PYCR3: variants seen among roughly 807,000 people sequenced by gnomAD.
PYCR3 encodes P5C reductase 3.
PYCR3 carries 26 observed loss-of-function variants against 23.4 expected under a neutral mutation model. That is an observed-to-expected ratio of 1.11 (90% CI 0.81 to 1.54). PYCR3 has a LOEUF of 1.54. Among genes scored for constraint, PYCR3 ranks in the 40% most tolerant of loss-of-function variants. PYCR3 has a pLI of 0.00. For synonymous variants in PYCR3, 194 were observed against 162.6 expected (o/e 1.19, Z -1.47); for missense variants, 360 against 376.3 (o/e 0.96, Z 0.36).
At chr8:143,608,551 T>C in intron 1 of PYCR3, 14 of 330,844 alleles carry the variant, frequency 4.2e-5, no homozygotes, top group South Asian at 3.4e-4. Flanking sequence ...GGAGAGTCTA[T>C]GCTGGAATGT....
intron 1 of PYCR3, 114 bp downstream of exon 1, chr8:143,609,344 G>A: frequency 2.5e-6 from 3 of 1,214,910 alleles, no homozygotes; most frequent in South Asian, 1.7e-5. Flanking sequence ...TGCGCCCAGC[G>A]GAGCGGAGAC....
rs1462469685 is a variant in PYCR3 at position 143,608,413 on chromosome 8, A to C, written c.92-287T>G. On this transcript the variant is annotated intron_variant, in intron 1 of 5. Transcript: ENST00000495276. ...TCCCTGGGGCCTCTGCCTCCAGGGA[A>C]GGGAAGGCTGCCTGGAGCAGAAGAG... 3 of 472,874 alleles carry C rather than the reference A, an allele frequency of 6.3e-6. No individual in the cohort carries two copies. In the East Asian group the frequency reaches 1.2e-4, roughly 18 times the overall value. The allele number at this position is 472,874 out of a possible 1,614,324, so 29.3% of individuals were successfully genotyped here.
chr8:143,606,660 C>CT lies in PYCR3; in HGVS notation c.355_356insA (p.Arg119GlnfsTer45), dbSNP rs1232489218. On this transcript the variant is annotated frameshift_variant, in exon 4 of 6. Transcript: ENST00000495276. LOFTEE classifies it high-confidence loss of function. Reference sequence around the variant, plus strand: ...CAGGTTGGGCAAGACCCGCAGCACCCGTGTGTTTGGGGGCAGCAGCTGGCC... The same window carrying CT: ...CAGGTTGGGCAAGACCCGCAGCACCCTGTGTGTTTGGGGGCAGCAGCTGGCC... 1 of 1,598,862 alleles carries CT rather than the reference C, an allele frequency of 6.3e-7. No homozygotes were observed. The highest frequency in any genetic ancestry group is 8.5e-7 in the Non-Finnish European group (1 of 1,173,972).
At chr8:143,607,825 A>C in intron 2 of PYCR3, among the ~76,000 whole-genome samples, 1 of 152,042 alleles carries the variant, frequency 6.6e-6, no homozygotes, top group Non-Finnish European at 1.5e-5. Context: ...ACACACACTC[A>C]CGGACATGCA....
chr8:143,606,188 G>A (rs1829394380), intron 4 of PYCR3, 34 bp from the exon 5 acceptor site: 1 of 1,569,582 alleles, frequency 6.4e-7, no homozygotes, highest in Non-Finnish European at 8.7e-7. Flanking sequence ...GGGGGGATAG[G>A]TGTCAAAGCC....
rs978454152 is a variant in PYCR3, at chr8:143,603,521, G to A, written c.*2179C>T. Among the ~76,000 whole-genome samples the A allele has an allele frequency of 6.6e-6, 1 of 152,206 alleles. No homozygotes were observed. Among genetic ancestry groups the A allele is most frequent in the Non-Finnish European group, 1.5e-5 (1 of 68,040 alleles). The stretch of plus-strand genomic sequence containing the variant: ...GCTTGGGATCTCCACCTCCCGAGCT[G>A]AGCTCACCTAGTGCCCAGGGCTTGT... On this transcript the variant is annotated 3_prime_UTR_variant, in exon 6 of 6. Coordinates refer to ENST00000495276, the MANE Select transcript of PYCR3 (RefSeq NM_023078.6).
In PYCR3 at chr8:143,607,058, C is replaced by T. The variant is rs1208799855; in HGVS notation, c.231G>A (p.Lys77=). 1.2e-5 allele frequency: 20 copies of T among 1,613,032 alleles called. No homozygotes were observed. Among genetic ancestry groups the T allele is most frequent in the Non-Finnish European group, 1.7e-5 (20 of 1,179,862 alleles). The part of the protein sequence containing the change: ...QSCLLVIFAT[K]PHVLPAVLAE... ...CCAGGACAGCTGGCAGCACATGAGG[C>T]TTGGTGGCAAAGATGACGAGCAGGC... The change falls in exon 3 of 6, where the codon AAG becomes AAA. Residue 77 remains lysine (K), a synonymous_variant. Transcript: ENST00000495276.
intron 2 of PYCR3, among the ~76,000 whole-genome samples, chr8:143,607,451 C>T (rs1829433291): frequency 6.6e-6 from 1 of 152,208 alleles, no homozygotes; most frequent in African/African-American, 2.4e-5. Flanking sequence ...TACACACACG[C>T]AGACACATGC....
In PYCR3 at chr8:143,603,806, C is replaced by T. The variant is rs1365669181; in HGVS notation, c.*1894G>A. 1.3e-5 allele frequency: 2 copies of T among 152,182 alleles called. No homozygotes were observed. Among genetic ancestry groups the T allele is most frequent in the East Asian group, 3.8e-4 (2 of 5,204 alleles). The allele number at this position is 152,182 out of a possible 1,614,324, so 9.4% of individuals were successfully genotyped here. On this transcript the variant is annotated 3_prime_UTR_variant, in exon 6 of 6. Transcript: ENST00000495276. ...AGGCCTGTAGCAGGCATGGGGAGAC[C>T]TCTGCTGTCCACAGTGCCAGCACCC...
intron 4 of PYCR3, 78 bp downstream of exon 4, chr8:143,606,389 G>T: frequency 6.7e-7 from 1 of 1,490,774 alleles, no homozygotes; most frequent in Non-Finnish European, 9.3e-7. Context: ...GACTCTGAGG[G>T]CAGAGGCTGT....
In PYCR3 at chr8:143,606,452, C is replaced by G. The variant is rs528703018; in HGVS notation, c.549+15G>C. ...TGCCGAGGGTGGGGCCGGGGATGGA[C>G]GAGGCAATACTCACGAAGGCCACGC... On this transcript the variant is annotated intron_variant, in intron 4 of 5. Transcript: ENST00000495276. 1.4e-5 allele frequency: 23 copies of G among 1,611,232 alleles called. No homozygotes were observed. Among genetic ancestry groups the G allele is most frequent in the Non-Finnish European group, 1.5e-5 (18 of 1,179,246 alleles).
In PYCR3 at chr8:143,606,621, T is replaced by A; in HGVS notation, c.395A>T (p.Gln132Leu). 6.2e-7 allele frequency: 1 copy of A among 1,610,472 alleles called. No individual in the cohort carries two copies. Among genetic ancestry groups the A allele is most frequent in the Non-Finnish European group, 8.5e-7 (1 of 1,179,022 alleles). ...RVLPNLPCVVQEGAIVMARGR... is the reference protein window; with the variant it reads ...RVLPNLPCVVLEGAIVMARGR... The stretch of plus-strand genomic sequence containing the variant: ...CCGCGCCATCACTATGGCCCCTTCC[T>A]GGACCACACAGGGCAGGTTGGGCAA... Residue 132 changes from glutamine (Q) to leucine (L), a missense_variant, in exon 4 of 6, where the codon CAG becomes CTG. Transcript: ENST00000495276.
intron 4 of PYCR3, 101 bp from the exon 5 acceptor site, chr8:143,606,255 A>T: frequency 7.9e-7 from 1 of 1,269,618 alleles, no homozygotes; most frequent in South Asian, 1.4e-5. Context: ...GGTGGCCAGA[A>T]CCAAGGCCTG....
chr8:143,609,484 G>A lies in PYCR3; in HGVS notation c.65C>T (p.Ala22Val). The A allele has an allele frequency of 4.6e-6, 7 of 1,511,668 alleles. No individual in the cohort carries two copies. In the South Asian group the frequency reaches 6.1e-5, roughly 13 times the overall value. 93.6% of individuals were successfully genotyped at this position (1,511,668 alleles called of 1,614,324 possible). The change falls in exon 1 of 6, where the codon GCC becomes GTC. Residue 22 changes from alanine (A) to valine (V), a missense_variant. By Grantham distance (64) the Ala-to-Val change is moderately conservative. Coordinates refer to ENST00000495276, the MANE Select transcript of PYCR3 (RefSeq NM_023078.6). ...GFVGAGRMAG[A>V]IAQGLIRAGK... ...TGCTCTGATGAGGCCCTGCGCGATG[G>A]CCCCCGCCATGCGGCCCGCGCCCAC...
At chr8:143,606,435 G>A (rs564801899) in intron 4 of PYCR3, 32 bp downstream of exon 4, 1 of 1,605,478 alleles carries the variant, frequency 6.2e-7, no homozygotes, top group African/African-American at 1.3e-5. Context: ...TTTGCCGAGG[G>A]TGGGGCCGGG....
intron 4 of PYCR3, 80 bp from the exon 5 acceptor site, chr8:143,606,234 C>G: frequency 2.9e-6 from 4 of 1,401,690 alleles, no homozygotes; most frequent in Non-Finnish European, 3.9e-6. Context: ...ATGCCCAGAG[C>G]AGTAGCCGTG....
In PYCR3 at chr8:143,605,783, G is replaced by C; in HGVS notation, c.742C>G (p.Leu248Val). ...GGTTIYGLHALEQGGLRAATM... is the reference protein window; with the variant it reads ...GGTTIYGLHAVEQGGLRAATM... ...GCTGCTCGCAGCCCGCCCTGCTCCA[G>C]GGCGTGGAGTCCATAGATGGTGGTG... The change falls in exon 6 of 6, where the codon CTG becomes GTG. Residue 248 changes from leucine to valine, a missense_variant. Coordinates refer to ENST00000495276, the MANE Select transcript of PYCR3 (RefSeq NM_023078.6). The C allele has an allele frequency of 2.5e-6, 4 of 1,612,092 alleles. No homozygotes were observed. The highest frequency in any genetic ancestry group is 3.4e-6 in the Non-Finnish European group (4 of 1,179,626).
Position 143,607,272 on chromosome 8 carries a change from T to C in PYCR3, c.157-140A>G, listed in dbSNP as rs992863446. ...TTGCAAGTGTCTAGACCACCCCGAC[T>C]TCTCCAGTGCCCAAGACTCCCCCAG... is the stretch of plus-strand genomic sequence containing the variant. On this transcript the variant is annotated intron_variant, in intron 2 of 5. Transcript: ENST00000495276. 3 of 784,496 alleles carry C rather than the reference T, an allele frequency of 3.8e-6. No individual in the cohort carries two copies. The Admixed American group carries it at 9.7e-5, about 25-fold the overall frequency. The allele number at this position is 784,496 out of a possible 1,614,324, so 48.6% of individuals were successfully genotyped here.
rs1416119941 is a variant in PYCR3, at chr8:143,605,813, C to G, written c.712G>C (p.Gly238Arg). 6.2e-7 allele frequency: 1 copy of G among 1,612,058 alleles called. No individual in the cohort carries two copies. The highest frequency in any genetic ancestry group is 8.5e-7 in the Non-Finnish European group (1 of 1,179,718). Residue 238 changes from glycine to arginine, a missense_variant, in exon 6 of 6, where the codon GGT becomes CGT. Transcript: ENST00000495276. ...AQLRSDVCTP[G>R]GTTIYGLHAL... ...TGGAGTCCATAGATGGTGGTGCCAC[C>G]CGGGGTGCACACGTCTGAGCGCAGC...
Sources: allele counts gnomAD v4.1 joint callset (sites outside exome capture counted in the v4.1 genomes callset), GRCh38; gene constraint gnomAD v4.1.1; transcripts MANE v1.5; gene names NCBI Gene and HGNC (gene_info 2026-07-23, HGNC 2026-07-21).